Variants in GALNT13 observed in about 807,000 individuals in gnomAD.
The protein encoded by GALNT13 is UDP-GalNAc:polypeptide N-acetylgalactosaminyltransferase 13.
A neutral mutation model predicts 64.2 loss-of-function variants in GALNT13; 28 were observed. The ratio of observed to expected loss-of-function variants is 0.44; its 90% CI spans 0.32 to 0.60. The LOEUF is 0.60. Ranked by LOEUF, GALNT13 falls within the 20% of genes least tolerant of loss-of-function variation. The pLI is 0.05. For synonymous variants in GALNT13, 214 were observed against 224.6 expected, an observed-to-expected ratio of 0.95 and a Z score of 0.42; for missense variants, 577 against 669.8, an observed-to-expected ratio of 0.86 and a Z score of 1.53.
At chr2:154,441,616 C>T (rs957357213) in intron 12 of GALNT13, 1 of 152,108 alleles carries the variant, frequency 6.6e-6, no homozygotes, top group African/African-American at 2.4e-5. Flanking sequence ...AGCTAGCTAT[C>T]AGTACAATTG....
chr2:153,661,680 G>A, the GALNT13 span, among the ~76,000 whole-genome samples: 1 of 152,138 alleles, frequency 6.6e-6, no homozygotes, highest in South Asian at 2.1e-4. Flanking sequence ...CAAAAGAGAT[G>A]ATGCAAATGA....
chr2:153,937,787 A>G (rs898039818), intron 2 of GALNT13, among the ~76,000 whole-genome samples: 3 of 152,202 alleles, frequency 2.0e-5, no homozygotes, highest in Non-Finnish European at 4.4e-5. Flanking sequence ...GCTAGAAAGG[A>G]GTACACGGTT....
chr2:153,843,723 C>T, the GALNT13 span, among the ~76,000 whole-genome samples: 1 of 152,154 alleles, frequency 6.6e-6, no homozygotes, highest in Non-Finnish European at 1.5e-5. Context: ...TATGTACTTC[C>T]AAGACACAAT....
the GALNT13 span, among the ~76,000 whole-genome samples, chr2:153,698,887 C>G: frequency 6.6e-6 from 1 of 152,202 alleles, no homozygotes; most frequent in Non-Finnish European, 1.5e-5. Context: ...AACAAAAAGT[C>G]TCTCAGACCA....
chr2:153,739,798 A>G, the GALNT13 span, among the ~76,000 whole-genome samples: 1 of 151,478 alleles, frequency 6.6e-6, no homozygotes, highest in East Asian at 1.9e-4. Flanking sequence ...TTTTACAACT[A>G]TTGTCATGAG....
At chr2:153,567,347 A>G in the GALNT13 span, among the ~76,000 whole-genome samples, 1 of 152,234 alleles carries the variant, frequency 6.6e-6, no homozygotes, top group Admixed American at 6.5e-5. Context: ...TTCTGGATAG[A>G]CAGATGCATA....
chr2:153,239,203 C>T, the GALNT13 span, among the ~76,000 whole-genome samples: 2 of 152,028 alleles, frequency 1.3e-5, no homozygotes, highest in African/African-American at 2.4e-5. Context: ...TGCAACTTTA[C>T]TGAATTTATC....
chr2:153,303,023 G>T, the GALNT13 span, among the ~76,000 whole-genome samples: 1 of 151,968 alleles, frequency 6.6e-6, no homozygotes, highest in Non-Finnish European at 1.5e-5. Flanking sequence ...TTGGTTGTTT[G>T]GAGTCATTAA....
At chr2:153,630,839 T>A in the GALNT13 span, among the ~76,000 whole-genome samples, 1 of 108,852 alleles carries the variant, frequency 9.2e-6, no homozygotes, top group Non-Finnish European at 1.8e-5. Flanking sequence ...TACTTTAAGT[T>A]CTAGGGTACA....
the GALNT13 span, among the ~76,000 whole-genome samples, chr2:153,103,475 G>A: frequency 1.3e-5 from 2 of 152,146 alleles, no homozygotes. Flanking sequence ...GATAACAATG[G>A]ATAGTTTGAG....
the GALNT13 span, among the ~76,000 whole-genome samples, chr2:153,366,720 GACACACACACACAC>G: frequency 0.13 from 13,954 of 109,098 alleles, 771 homozygotes; most frequent in South Asian, 0.23. Flanking sequence ...AGCACACAGG[GACACACACACACAC>G]ACACACACAC....
the GALNT13 span, among the ~76,000 whole-genome samples, chr2:153,511,404 G>A: frequency 6.6e-6 from 1 of 152,080 alleles, no homozygotes; most frequent in Non-Finnish European, 1.5e-5. Flanking sequence ...AGAAAACCGA[G>A]CATGGGGGTA....
At chr2:154,089,161 TC>T (rs1701675707) in intron 3 of GALNT13, among the ~76,000 whole-genome samples, 1 of 152,092 alleles carries the variant, frequency 6.6e-6, no homozygotes, top group South Asian at 2.1e-4. Flanking sequence ...ACAAGTGAGT[TC>T]CTTTCAGGAG....
At chr2:154,417,072 C>CT (rs1347285573) in intron 11 of GALNT13, among the ~76,000 whole-genome samples, 1 of 152,054 alleles carries the variant, frequency 6.6e-6, no homozygotes, top group Non-Finnish European at 1.5e-5. Context: ...TTCTACTAGT[C>CT]TTTTTAAAAT....
the GALNT13 span, among the ~76,000 whole-genome samples, chr2:153,109,616 C>T: frequency 3.3e-5 from 5 of 152,124 alleles, no homozygotes; most frequent in African/African-American, 1.2e-4. Context: ...TGTAACATAC[C>T]TGCATGACTG....
the GALNT13 span, among the ~76,000 whole-genome samples, chr2:153,167,112 C>T: frequency 2.0e-5 from 3 of 152,180 alleles, no homozygotes; most frequent in African/African-American, 7.2e-5. Flanking sequence ...TTGTGGTACA[C>T]CACAAATAAA....
chr2:153,949,801 T>C (rs569689275), intron 3 of GALNT13, among the ~76,000 whole-genome samples: 1 of 152,020 alleles, frequency 6.6e-6, no homozygotes, highest in South Asian at 2.1e-4. Flanking sequence ...GCGAACCACA[T>C]GTGTACATAT....
chr2:154,111,735 G>T (rs571405273), intron 3 of GALNT13, among the ~76,000 whole-genome samples: 1 of 152,246 alleles, frequency 6.6e-6, no homozygotes, highest in South Asian at 2.1e-4. Flanking sequence ...TATATTGGAC[G>T]CTGATTCAGA....
At chr2:154,417,489 T>TTTTATTTATTTATTTATTTATTTA (rs59851032) in intron 11 of GALNT13, among the ~76,000 whole-genome samples, 52 of 132,354 alleles carry the variant, frequency 3.9e-4, no homozygotes, top group East Asian at 6.6e-4. Flanking sequence ...CTTGCCATGC[T>TTTTATTTATTTATTTATTTATTTA]TTTATTTATT....
Sources: gnomAD v4.1 joint callset for allele counts (sites outside exome capture counted in the v4.1 genomes callset) on GRCh38, gnomAD v4.1.1 for gene constraint, MANE v1.5 for transcripts, NCBI Gene and HGNC (gene_info 2026-07-23, HGNC 2026-07-21) for gene names.